The following TMEM64 variants were observed in gnomAD, a reference collection of about 807,000 sequenced individuals.
The protein encoded by TMEM64 is transmembrane protein 64.
A neutral mutation model predicts 24.5 loss-of-function variants in TMEM64; 19 were observed. The ratio of observed to expected loss-of-function variants is 0.78; its 90% confidence interval spans 0.54 to 1.14. The LOEUF is 1.14. TMEM64 is among the 50% of genes most tolerant of loss of function. TMEM64 has a pLI of 0.00. For synonymous variants in TMEM64, 262 were observed against 224.7 expected (o/e 1.17, Z -1.49); for missense variants, 487 against 493.0 (o/e 0.99, Z 0.12).
chr8:90,642,950 C>G (rs986122070), intron 1 of TMEM64, among the ~76,000 whole-genome samples: 2 of 152,018 alleles, frequency 1.3e-5, no homozygotes, highest in African/African-American at 4.8e-5. Flanking sequence ...TTTTTATTGA[C>G]CACACAATGC....
intron 1 of TMEM64, among the ~76,000 whole-genome samples, chr8:90,642,789 A>G (rs994996714): frequency 6.6e-6 from 1 of 152,230 alleles, no homozygotes; most frequent in African/African-American, 2.4e-5. Context: ...GATGCACCAT[A>G]TCAGCTGATC....
chr8:90,637,125 A>T (rs938087157), intron 1 of TMEM64, among the ~76,000 whole-genome samples: 4 of 152,152 alleles, frequency 2.6e-5, no homozygotes, highest in Non-Finnish European at 5.9e-5. Context: ...GGAGGGAAAA[A>T]AATGAGAGGA....
At chr8:90,630,770 A>G (rs909594530) in intron 2 of TMEM64, among the ~76,000 whole-genome samples, 1 of 152,224 alleles carries the variant, frequency 6.6e-6, no homozygotes, top group Non-Finnish European at 1.5e-5. Context: ...CATATAAAGC[A>G]TGGAATAAAG....
intron 1 of TMEM64, among the ~76,000 whole-genome samples, chr8:90,644,674 T>G (rs1809660002): frequency 6.6e-6 from 1 of 152,226 alleles, no homozygotes; most frequent in South Asian, 2.1e-4. Flanking sequence ...CTCCACTGTT[T>G]ACTGAAACAC....
At chr8:90,634,338 T>C (rs1809483391) in intron 1 of TMEM64, among the ~76,000 whole-genome samples, 1 of 152,208 alleles carries the variant, frequency 6.6e-6, no homozygotes, top group East Asian at 1.9e-4. Flanking sequence ...AATCTTCTAC[T>C]AGAACTAAAA....
chr8:90,635,594 G>A (rs1445391794), intron 1 of TMEM64, among the ~76,000 whole-genome samples: 2 of 151,952 alleles, frequency 1.3e-5, no homozygotes, highest in African/African-American at 4.8e-5. Flanking sequence ...AGAGGAAGGA[G>A]CCTATACTCA....
Position 90,625,566 on chromosome 8 carries a change from G to T in TMEM64, c.*105C>A. ...TGCAATTTAAAAACTAGTCAGTTTT[G>T]TTTGTGCTGTAATACAATTAGAACT... On this transcript the variant is annotated 3_prime_UTR_variant, in exon 3 of 3. Transcript: ENST00000458549. 4 of 916,262 alleles carry T rather than the reference G, an allele frequency of 4.4e-6. No individual in the cohort carries two copies. Among genetic ancestry groups the T allele is most frequent in the Non-Finnish European group, 6.4e-6 (4 of 626,050 alleles). 56.8% of individuals were successfully genotyped at this position (916,262 alleles called of 1,614,324 possible).
In TMEM64 at chr8:90,633,836, T is replaced by A. The variant is rs1586128262; in HGVS notation, c.796-2129A>T. Among the ~76,000 whole-genome samples the A allele has an allele frequency of 2.6e-5, 4 of 152,324 alleles. No individual in the cohort carries two copies. In the South Asian group the frequency reaches 8.3e-4, roughly 32 times the overall value. ...TTCATTTGTTCACATTTGCTTTTTT[T>A]ATTGGGATGTTAAGTGTTTTTCTTG... On this transcript the variant is annotated intron_variant, in intron 1 of 2. Transcript: ENST00000458549.
chr8:90,636,432 T>C (rs1403505709), intron 1 of TMEM64, among the ~76,000 whole-genome samples: 1 of 152,152 alleles, frequency 6.6e-6, no homozygotes, highest in Non-Finnish European at 1.5e-5. Context: ...ATTTTTGTAT[T>C]TTTAGTAGAG....
rs770209715 is a variant in TMEM64, at chr8:90,625,659, A to G, written c.*12T>C. 7.5e-6 allele frequency: 12 copies of G among 1,609,844 alleles called. No homozygotes were observed. Among genetic ancestry groups the G allele is most frequent in the Middle Eastern group, 3.3e-4 (2 of 6,050 alleles). On this transcript the variant is annotated 3_prime_UTR_variant, in exon 3 of 3. Transcript: ENST00000458549. ...CACACTAGGCTCTTGACAATCACGT[A>G]TCTCATTAGAATCATACAACATTGA... is the stretch of plus-strand genomic sequence containing the variant.
rs540790616 is a variant in TMEM64, at chr8:90,635,367, CATTTTATTTT to C, written c.796-3670_796-3661del. ...AACAAAAGATGAACAGCTTCCAAAT[CATTTTATTTT>C]ATTTTATTTTATTTTATTTTATTTT... is the stretch of plus-strand genomic sequence containing the variant. On this transcript the variant is annotated intron_variant, in intron 1 of 2. Transcript: ENST00000458549. Among the ~76,000 whole-genome samples the C allele has an allele frequency of 3.1e-3, 462 of 149,322 alleles. 4 individuals are homozygous for C. The highest frequency in any genetic ancestry group is 9.0e-3 in the African/African-American group (357 of 39,512).
rs139543950 is a variant in TMEM64, at chr8:90,645,840, C to G, written c.66G>C (p.Pro22=). The G allele has an allele frequency of 0.019, 21,199 of 1,102,002 alleles. 3,007 individuals are homozygous for G. The African/African-American group carries it at 0.31, about 16-fold the overall frequency. The allele number at this position is 1,102,002 out of a possible 1,614,324, so 68.3% of individuals were successfully genotyped here. Residue 22 remains proline (P), a synonymous_variant, in exon 1 of 3, where the codon CCG becomes CCC. Transcript: ENST00000458549. This position sits in a 1 kb window ranked among gnomAD's most constrained non-coding sequence, Gnocchi z 4.2. ...AGCGGGCCGGCAGCTCGGCGAGGCC[C>G]GGGAGGGCGGCGTGCTGCAGCAGCC... ...LPRLLQHAAL[P]GLAELPARWA... is the part of the protein sequence containing the mutation.
At chr8:90,644,947 T>C (rs1488114773) in intron 1 of TMEM64, among the ~76,000 whole-genome samples, 164 bp downstream of exon 1, 1 of 152,216 alleles carries the variant, frequency 6.6e-6, no homozygotes, top group African/African-American at 2.4e-5. Flanking sequence ...GTATGTTTTA[T>C]GTGTAGGACA....
chr8:90,625,596 T>C lies in TMEM64; in HGVS notation c.*75A>G. ...TGCTGTAATACAATTAGAACTTGTC[T>C]CTGCCCACTAGTGAAGTGACTGCTA... On this transcript the variant is annotated 3_prime_UTR_variant, in exon 3 of 3. Transcript: ENST00000458549. The C allele has an allele frequency of 8.4e-7, 1 of 1,193,736 alleles. No individual in the cohort carries two copies. Among genetic ancestry groups the C allele is most frequent in the Non-Finnish European group, 1.2e-6 (1 of 853,850 alleles). 73.9% of individuals were successfully genotyped at this position (1,193,736 alleles called of 1,614,324 possible). A position where few individuals can be genotyped will look rare whatever the true frequency, so the allele number is the denominator to read the frequency against.
Position 90,645,768 on chromosome 8 carries a change from A to T in TMEM64, c.138T>A (p.Leu46=), listed in dbSNP as rs1809691148. 3 of 1,035,520 alleles carry T rather than the reference A, an allele frequency of 2.9e-6. No homozygotes were observed. Among genetic ancestry groups the T allele is most frequent in the Non-Finnish European group, 3.5e-6 (3 of 864,888 alleles). 64.1% of individuals were successfully genotyped at this position (1,035,520 alleles called of 1,614,324 possible). Residue 46 remains leucine, a synonymous_variant, in exon 1 of 3, where the codon CTT becomes CTA. Transcript: ENST00000458549. This position sits in a 1 kb window ranked among gnomAD's most constrained non-coding sequence, Gnocchi z 4.2. ...GAGGDGPADR[L]PRGGGASAAA... is the part of the protein sequence containing the mutation. ...CCGCGCTCGCCCCGCCCCCGCGGGGAAGGCGGTCCGCCGGGCCGTCCCCGC... is the reference window on the plus strand; with the variant it reads ...CCGCGCTCGCCCCGCCCCCGCGGGGTAGGCGGTCCGCCGGGCCGTCCCCGC...
intron 2 of TMEM64, among the ~76,000 whole-genome samples, chr8:90,629,489 A>G (rs535011035): frequency 3.3e-5 from 5 of 152,106 alleles, no homozygotes; most frequent in Non-Finnish European, 7.4e-5. Flanking sequence ...TTACAAATAG[A>G]TTACTTATTT....
chr8:90,629,089 C>A (rs1809401943), intron 2 of TMEM64, among the ~76,000 whole-genome samples: 5 of 150,222 alleles, frequency 3.3e-5, no homozygotes, highest in Admixed American at 3.3e-4. Flanking sequence ...CTAGCTTTAA[C>A]CTAAGCTCTC....
chr8:90,643,309 C>G (rs1346506167), intron 1 of TMEM64, among the ~76,000 whole-genome samples: 2 of 152,198 alleles, frequency 1.3e-5, no homozygotes, highest in Admixed American at 1.3e-4. Flanking sequence ...TTAAGCCAGG[C>G]TCTGCTGCAT....
intron 2 of TMEM64, among the ~76,000 whole-genome samples, chr8:90,629,324 A>G (rs1809405888): frequency 6.6e-6 from 1 of 152,222 alleles, no homozygotes; most frequent in Non-Finnish European, 1.5e-5. Flanking sequence ...AGAAGATTCT[A>G]TAGTTTAAAA....
Sources: allele counts gnomAD v4.1 joint callset (sites outside exome capture counted in the v4.1 genomes callset), GRCh38; gene constraint gnomAD v4.1.1; non-coding constraint Gnocchi (gnomAD v3.1); transcripts MANE v1.5; gene names NCBI Gene and HGNC (gene_info 2026-07-23, HGNC 2026-07-21).